Variants in CCBE1 observed in about 807,000 individuals in gnomAD.
CCBE1 encodes the protein collagen and calcium binding EGF domains 1.
In CCBE1, 37 loss-of-function variants were observed where a neutral mutation model predicts 50.0. That is an observed-to-expected ratio of 0.74 (90% CI 0.57 to 0.97). The LOEUF (loss-of-function observed/expected upper bound fraction) is 0.97. Ranked by LOEUF, CCBE1 falls within the 50% of genes least tolerant of loss-of-function variation. The pLI is 0.00. For synonymous variants in CCBE1, 234 were observed against 203.7 expected (o/e 1.15, Z -1.27); for missense variants, 538 against 523.8 (o/e 1.03, Z -0.26).
At chr18:59,642,236 A>G (rs4940473) in intron 2 of CCBE1, among the ~76,000 whole-genome samples, 68,709 of 152,042 alleles carry the variant, frequency 0.45, 17,195 homozygotes, top group Non-Finnish European at 0.56. Flanking sequence ...CATTAACTCA[A>G]AAAGATGTTC....
At chr18:59,582,394 G>A (rs1181562743) in intron 2 of CCBE1, among the ~76,000 whole-genome samples, 2 of 152,198 alleles carry the variant, frequency 1.3e-5, no homozygotes, top group Admixed American at 1.3e-4. Context: ...TTACTCAGCT[G>A]AGCAGGTACC....
chr18:59,456,641 A>T (rs1044082465), intron 5 of CCBE1, among the ~76,000 whole-genome samples: 9 of 152,212 alleles, frequency 5.9e-5, no homozygotes, highest in Non-Finnish European at 1.2e-4. Flanking sequence ...TGTTTCAGCC[A>T]CTTAATTTGT....
intron 2 of CCBE1, among the ~76,000 whole-genome samples, chr18:59,638,422 T>C (rs1009722919): frequency 4.6e-5 from 7 of 152,188 alleles, no homozygotes; most frequent in African/African-American, 1.4e-4. Flanking sequence ...AGTGTGGTCC[T>C]GGACCAGCAG....
At chr18:59,497,619 C>A (rs1430737179) in intron 2 of CCBE1, among the ~76,000 whole-genome samples, 1 of 152,164 alleles carries the variant, frequency 6.6e-6, no homozygotes, top group East Asian at 1.9e-4. Context: ...GGACACCGCA[C>A]TATTCAATCT....
In CCBE1 at chr18:59,697,373, G is replaced by T. The variant is rs1486896447; in HGVS notation, c.-31C>A. On this transcript the variant is annotated 5_prime_UTR_variant, in exon 1 of 11. Coordinates refer to ENST00000439986, the MANE Select transcript of CCBE1 (RefSeq NM_133459.4). ...AAGCTCCCGGCTTCTTCCCAGCGCC[G>T]AGCTCCGTCCGGACCAAGCGTCCTG... The T allele has an allele frequency of 1.9e-6, 3 of 1,541,184 alleles. No individual in the cohort carries two copies. Among genetic ancestry groups the T allele is most frequent in the East Asian group, 4.9e-5 (2 of 40,854 alleles).
intron 2 of CCBE1, among the ~76,000 whole-genome samples, chr18:59,657,377 G>T (rs2054204733): frequency 6.6e-6 from 1 of 152,164 alleles, no homozygotes; most frequent in African/African-American, 2.4e-5. Context: ...GAGAAGGGAG[G>T]AGAGTAGAGA....
chr18:59,486,070 C>CCTTGGCCTTGCTCCTTAAT (rs1230435179), intron 2 of CCBE1, among the ~76,000 whole-genome samples: 6 of 152,202 alleles, frequency 3.9e-5, no homozygotes, highest in Non-Finnish European at 7.4e-5. Flanking sequence ...GCGCCTTGCT[C>CCTTGGCCTTGCTCCTTAAT]CTTGGCCTTG....
chr18:59,656,696 G>A (rs1056689603), intron 2 of CCBE1, among the ~76,000 whole-genome samples: 1 of 152,194 alleles, frequency 6.6e-6, no homozygotes, highest in East Asian at 1.9e-4. Context: ...AGCATTTTTA[G>A]TGATAGAGTT....
chr18:59,465,914 C>T (rs377663886), intron 5 of CCBE1, among the ~76,000 whole-genome samples: 28 of 152,198 alleles, frequency 1.8e-4, no homozygotes, highest in Non-Finnish European at 4.1e-4. Context: ...TGGTGGAGAG[C>T]TTCCTCCAGT....
chr18:59,642,948 C>CAAAAAA (rs10683687), intron 2 of CCBE1, among the ~76,000 whole-genome samples: 5 of 94,164 alleles, frequency 5.3e-5, no homozygotes, highest in African/African-American at 2.1e-4. Flanking sequence ...GACTCCACCT[C>CAAAAAA]AAAAAAAAAA....
chr18:59,598,436 T>C (rs1398600934), intron 2 of CCBE1, among the ~76,000 whole-genome samples: 1 of 152,132 alleles, frequency 6.6e-6, no homozygotes, highest in East Asian at 1.9e-4. Flanking sequence ...GAATTCAGGT[T>C]TCACTTGAGT....
intron 5 of CCBE1, among the ~76,000 whole-genome samples, chr18:59,466,342 A>C (rs1254216955): frequency 6.6e-6 from 1 of 151,968 alleles, no homozygotes; most frequent in Non-Finnish European, 1.5e-5. Context: ...TCTCCGGTAC[A>C]CGTTCTCTTG....
At chr18:59,449,008 A>T (rs533439671) in intron 6 of CCBE1, among the ~76,000 whole-genome samples, 2 of 152,316 alleles carry the variant, frequency 1.3e-5, no homozygotes, top group African/African-American at 4.8e-5. Context: ...AGGGAAATGT[A>T]TCAGTAAATC....
At chr18:59,603,297 A>C (rs1033681485) in intron 2 of CCBE1, among the ~76,000 whole-genome samples, 3 of 152,232 alleles carry the variant, frequency 2.0e-5, no homozygotes, top group African/African-American at 7.2e-5. Flanking sequence ...AGAGAAGCTA[A>C]GTGTTGTGAG....
intron 7 of CCBE1, among the ~76,000 whole-genome samples, chr18:59,444,619 C>T (rs62096129): frequency 0.12 from 18,051 of 151,732 alleles, 1,639 homozygotes; most frequent in African/African-American, 0.25. Flanking sequence ...TGGGCTTAAG[C>T]GATCTTCTAC....
intron 2 of CCBE1, among the ~76,000 whole-genome samples, chr18:59,577,837 A>T (rs2053022147): frequency 6.6e-6 from 1 of 152,240 alleles, no homozygotes; most frequent in Non-Finnish European, 1.5e-5. Flanking sequence ...GTTTTTCATA[A>T]GGCCCAAAAC....
chr18:59,652,438 T>C (rs915922957), intron 2 of CCBE1, among the ~76,000 whole-genome samples: 2 of 151,966 alleles, frequency 1.3e-5, no homozygotes, highest in African/African-American at 4.8e-5. Flanking sequence ...TCCTTCGGCA[T>C]GGTTTGTAGG....
chr18:59,696,134 CTT>C (rs1403962937), intron 2 of CCBE1, among the ~76,000 whole-genome samples: 1 of 152,148 alleles, frequency 6.6e-6, no homozygotes, highest in African/African-American at 2.4e-5. Flanking sequence ...CCCCAACAAT[CTT>C]TTTGTTTTCA....
intron 2 of CCBE1, among the ~76,000 whole-genome samples, chr18:59,543,804 C>T (rs1915565722): frequency 7.8e-6 from 1 of 128,674 alleles, no homozygotes; most frequent in Non-Finnish European, 1.5e-5. Context: ...CACTGCACTC[C>T]AGGCTGGGAG....
Sources: gnomAD v4.1 joint callset for allele counts (sites outside exome capture counted in the v4.1 genomes callset) on GRCh38, gnomAD v4.1.1 for gene constraint, MANE v1.5 for transcripts, NCBI Gene and HGNC (gene_info 2026-07-23, HGNC 2026-07-21) for gene names.